The following CCDC91 variants were observed in gnomAD, a reference collection of about 807,000 sequenced individuals.
CCDC91 encodes the protein coiled-coil domain-containing protein 91.
In CCDC91, 48 loss-of-function variants were observed where a neutral mutation model predicts 63.2. The ratio of observed to expected loss-of-function variants is 0.76; its 90% CI spans 0.60 to 0.97. CCDC91 has a LOEUF of 0.97. Among genes scored for constraint, CCDC91 ranks in the 50% least tolerant of loss-of-function variants. The probability of loss-of-function intolerance (pLI) is 0.00; values close to 1 mark genes in which losing one functional copy is unlikely to be tolerated. For missense variants in CCDC91, 500 were observed against 494.6 expected, an observed-to-expected ratio of 1.01 and a Z score of -0.10; for synonymous variants, 167 against 165.8, an observed-to-expected ratio of 1.01 and a Z score of -0.06.
intron 12 of CCDC91, among the ~76,000 whole-genome samples, chr12:28,543,718 A>G (rs1942794425): frequency 6.6e-6 from 1 of 151,952 alleles, no homozygotes; most frequent in African/African-American, 2.4e-5. Context: ...AGACCCCTAT[A>G]TCTGACATCT....
Position 28,306,960 on chromosome 12 carries a change from G to T in CCDC91, c.471+15G>T, listed in dbSNP as rs541986218. 1 of 1,502,582 alleles carries T rather than the reference G, an allele frequency of 6.7e-7. No homozygotes were observed. The highest frequency in any genetic ancestry group is 9.2e-7 in the Non-Finnish European group (1 of 1,091,070). The allele number at this position is 1,502,582 out of a possible 1,614,324, so 93.1% of individuals were successfully genotyped here. ...GAATTAAACAGGTATATTTACATTTGCCTAAGAAATGTTTGAATTGCAAAT... is the reference window on the plus strand; with the variant it reads ...GAATTAAACAGGTATATTTACATTTTCCTAAGAAATGTTTGAATTGCAAAT... On this transcript the variant is annotated intron_variant, in intron 5 of 12. Transcript: ENST00000536442.
intron 1 of CCDC91, among the ~76,000 whole-genome samples, chr12:28,239,523 A>G (rs1045369936): frequency 1.3e-5 from 2 of 152,124 alleles, no homozygotes; most frequent in African/African-American, 2.4e-5. Flanking sequence ...ATATTAAGGT[A>G]TTAAATTAAA....
At chr12:28,453,300 G>A (rs1378141367) in intron 11 of CCDC91, among the ~76,000 whole-genome samples, 2 of 151,898 alleles carry the variant, frequency 1.3e-5, no homozygotes, top group African/African-American at 4.8e-5. Context: ...TATATAGGCA[G>A]AAGTACTTAA....
intron 8 of CCDC91, among the ~76,000 whole-genome samples, chr12:28,418,954 T>C (rs956151689): frequency 6.6e-6 from 1 of 152,168 alleles, no homozygotes; most frequent in Non-Finnish European, 1.5e-5. Context: ...CCATTAATTA[T>C]AATGTTTAAT....
chr12:28,480,837 C>T (rs917682496), intron 11 of CCDC91, among the ~76,000 whole-genome samples: 5 of 151,946 alleles, frequency 3.3e-5, no homozygotes, highest in African/African-American at 1.2e-4. Context: ...TGTTTACAGT[C>T]CTTAACAAAA....
intron 8 of CCDC91, among the ~76,000 whole-genome samples, chr12:28,393,359 T>G (rs1244245002): frequency 6.6e-6 from 1 of 151,918 alleles, no homozygotes; most frequent in Non-Finnish European, 1.5e-5. Flanking sequence ...AACTACTTTG[T>G]ATTTTTTTTT....
intron 1 of CCDC91, among the ~76,000 whole-genome samples, chr12:28,221,090 T>C (rs568290478): frequency 6.6e-6 from 1 of 152,244 alleles, no homozygotes; most frequent in Non-Finnish European, 1.5e-5. Flanking sequence ...TTATCCATTT[T>C]TTCTCAGTAT....
At chr12:28,351,578 C>T (rs1335436172) in intron 6 of CCDC91, among the ~76,000 whole-genome samples, 1 of 152,100 alleles carries the variant, frequency 6.6e-6, no homozygotes, top group Non-Finnish European at 1.5e-5. Flanking sequence ...CCATCTGTGC[C>T]TGTGGCTCTG....
intron 8 of CCDC91, among the ~76,000 whole-genome samples, chr12:28,407,179 C>G (rs979821866): frequency 2.0e-5 from 3 of 152,156 alleles, no homozygotes; most frequent in Non-Finnish European, 4.4e-5. Context: ...CTGAGGCCTA[C>G]TCCCCAAAAG....
intron 8 of CCDC91, among the ~76,000 whole-genome samples, chr12:28,404,479 G>T (rs1268980097): frequency 6.6e-6 from 1 of 151,994 alleles, no homozygotes; most frequent in African/African-American, 2.4e-5. Flanking sequence ...TGCTATTGCT[G>T]GTTGCAGTAT....
chr12:28,306,568 GGTT>G (rs1156791865), intron 4 of CCDC91, among the ~76,000 whole-genome samples, 171 bp from the exon 5 acceptor site: 1 of 151,940 alleles, frequency 6.6e-6, no homozygotes, highest in African/African-American at 2.4e-5. Context: ...GCAAAGATCG[GGTT>G]GTTGTAAAAG....
rs1943211757 is a variant in CCDC91, at chr12:28,549,727, A to G, written c.*554A>G. Reference sequence around the variant, plus strand: ...GTATTTTCATTGGTCTACTGAAAACAAACAATACAATTAAAAGCACTAAAG... The same window carrying G: ...GTATTTTCATTGGTCTACTGAAAACGAACAATACAATTAAAAGCACTAAAG... On this transcript the variant is annotated 3_prime_UTR_variant, in exon 13 of 13. Coordinates refer to ENST00000536442, the MANE Select transcript of CCDC91 (RefSeq NM_018318.5). 1 of 152,194 alleles carries G rather than the reference A, an allele frequency of 6.6e-6. No homozygotes were observed. 9.4% of individuals were successfully genotyped at this position (152,194 alleles called of 1,614,324 possible).
intron 12 of CCDC91, among the ~76,000 whole-genome samples, chr12:28,519,022 A>G (rs1940278096): frequency 6.6e-6 from 1 of 151,842 alleles, no homozygotes; most frequent in African/African-American, 2.4e-5. Flanking sequence ...TGCTTTGGCT[A>G]TACAGGCTCT....
At chr12:28,320,357 T>C (rs1011230551) in intron 6 of CCDC91, among the ~76,000 whole-genome samples, 2 of 151,912 alleles carry the variant, frequency 1.3e-5, no homozygotes, top group South Asian at 4.1e-4. Context: ...TCAATACATG[T>C]TTTCGACAAG....
At chr12:28,216,265 A>G (rs1339769949) in intron 1 of CCDC91, among the ~76,000 whole-genome samples, 2 of 152,082 alleles carry the variant, frequency 1.3e-5, no homozygotes, top group Non-Finnish European at 2.9e-5. Context: ...AACTCTCACT[A>G]GAATCCTTTC....
chr12:28,410,359 T>G (rs2139695250), intron 8 of CCDC91, among the ~76,000 whole-genome samples: 1 of 152,322 alleles, frequency 6.6e-6, no homozygotes, highest in South Asian at 2.1e-4. Flanking sequence ...TTATTTTGAT[T>G]ATTGTTAGTA....
intron 12 of CCDC91, among the ~76,000 whole-genome samples, chr12:28,493,939 C>T (rs1952147466): frequency 6.6e-6 from 1 of 151,684 alleles, no homozygotes; most frequent in Non-Finnish European, 1.5e-5. Flanking sequence ...TGGCTTTCTA[C>T]TTGAGCATGC....
intron 8 of CCDC91, among the ~76,000 whole-genome samples, chr12:28,446,939 A>G (rs780224636): frequency 9.9e-5 from 15 of 152,164 alleles, no homozygotes; most frequent in Non-Finnish European, 2.1e-4. Context: ...GAGTGGAACA[A>G]TTTCATTGAT....
At chr12:28,253,011 A>T (rs2136118734) in intron 1 of CCDC91, among the ~76,000 whole-genome samples, 1 of 152,322 alleles carries the variant, frequency 6.6e-6, no homozygotes, top group South Asian at 2.1e-4. Flanking sequence ...AATGTAACAC[A>T]GTAAGTGGCA....
Sources: allele counts gnomAD v4.1 joint callset (sites outside exome capture counted in the v4.1 genomes callset), GRCh38; gene constraint gnomAD v4.1.1; transcripts MANE v1.5; gene names NCBI Gene and HGNC (gene_info 2026-07-23, HGNC 2026-07-21).